Variants in FHIT observed in about 807,000 individuals in gnomAD.
FHIT encodes the protein fragile histidine triad diadenosine triphosphatase, also known as bis(5'-adenosyl)-triphosphatase.
FHIT carries 19 observed loss-of-function variants against 17.9 expected under a neutral mutation model. That is an observed-to-expected ratio of 1.06 (90% CI 0.74 to 1.56). The LOEUF is 1.56. Among genes scored for constraint, FHIT ranks in the 40% most tolerant of loss-of-function variants. The probability of loss-of-function intolerance (pLI) is 0.00; values close to 1 mark genes in which losing one functional copy is unlikely to be tolerated. For missense variants in FHIT, 248 were observed against 189.2 expected (o/e 1.31, Z -1.82); for synonymous variants, 81 against 69.7 (o/e 1.16, Z -0.81).
chr3:59,896,271 A>G (rs927467700), intron 8 of FHIT, among the ~76,000 whole-genome samples: 13 of 152,236 alleles, frequency 8.5e-5, no homozygotes, highest in African/African-American at 1.9e-4. Flanking sequence ...TTGAATGAAT[A>G]GATAACTGAG....
At chr3:60,724,138 C>T (rs1384848169) in intron 4 of FHIT, among the ~76,000 whole-genome samples, 1 of 152,272 alleles carries the variant, frequency 6.6e-6, no homozygotes, top group Admixed American at 6.5e-5. Flanking sequence ...ACAGTCACTA[C>T]CCATTTTCTC....
intron 5 of FHIT, among the ~76,000 whole-genome samples, chr3:60,506,252 C>A (rs1287051975): frequency 6.6e-6 from 1 of 152,086 alleles, no homozygotes; most frequent in African/African-American, 2.4e-5. Context: ...TCACATGGTA[C>A]TTTGAGGGTG....
rs562311448 is a variant in FHIT, at chr3:60,684,257, G to A, written c.-18+137662C>T. Among the ~76,000 whole-genome samples, 14 of 152,056 alleles carry A rather than the reference G, an allele frequency of 9.2e-5. No individual in the cohort carries two copies. The South Asian group carries it at 1.2e-3, about 14-fold the overall frequency. Reference sequence around the variant, plus strand: ...GGTGGGACTCTTGTAATAGCATTTAGGTCTCCCAAAATAATCCAGGATGAT... The same window carrying A: ...GGTGGGACTCTTGTAATAGCATTTAAGTCTCCCAAAATAATCCAGGATGAT... On this transcript the variant is annotated intron_variant, in intron 4 of 9. Transcript: ENST00000492590.
chr3:60,015,688 G>C (rs17061812), intron 5 of FHIT, among the ~76,000 whole-genome samples: 1 of 151,956 alleles, frequency 6.6e-6, no homozygotes. Context: ...AGCTTCCAAC[G>C]AAGTCCATAA....
At chr3:60,344,552 T>G (rs111813465) in intron 5 of FHIT, among the ~76,000 whole-genome samples, 473 of 152,284 alleles carry the variant, frequency 3.1e-3, no homozygotes, top group African/African-American at 0.011. Context: ...TATTTCAGAT[T>G]ATGCTCTCTC....
chr3:60,815,912 C>T lies in FHIT; in HGVS notation c.-18+6007G>A, dbSNP rs189398776. 3.9e-5 allele frequency among the ~76,000 whole-genome samples: 6 copies of T among 152,094 alleles called. 1 individual carries two copies. Among genetic ancestry groups the T allele is most frequent in the Admixed American group, 3.9e-4 (6 of 15,262 alleles). On this transcript the variant is annotated intron_variant, in intron 4 of 9. Transcript: ENST00000492590. ...TTGTGTCTTCTATGATTTCTTTTAG[C>T]AGTGTTTTGTGGTTCCCCTTGTAGA...
At chr3:60,304,129 T>C (rs1708564752) in intron 5 of FHIT, among the ~76,000 whole-genome samples, 1 of 152,178 alleles carries the variant, frequency 6.6e-6, no homozygotes, top group Admixed American at 6.6e-5. Flanking sequence ...TATATCACAC[T>C]AATACATTTA....
chr3:60,196,287 G>A (rs568003014), intron 5 of FHIT, among the ~76,000 whole-genome samples: 2 of 152,072 alleles, frequency 1.3e-5, no homozygotes, highest in East Asian at 3.9e-4. Flanking sequence ...CCAGCTTCTA[G>A]AGGAAGCCCA....
chr3:60,475,807 G>A (rs931130656), intron 5 of FHIT, among the ~76,000 whole-genome samples: 6 of 152,188 alleles, frequency 3.9e-5, no homozygotes, highest in African/African-American at 1.4e-4. Context: ...CTGACCTCAT[G>A]TGATGGGTCA....
At chr3:60,909,090 G>A (rs1706582293) in intron 3 of FHIT, among the ~76,000 whole-genome samples, 1 of 152,050 alleles carries the variant, frequency 6.6e-6, no homozygotes, top group African/African-American at 2.4e-5. Flanking sequence ...GGTAATCTTG[G>A]CAGGGAGCGG....
chr3:60,880,102 C>A (rs1263598884), intron 3 of FHIT, among the ~76,000 whole-genome samples: 1 of 151,966 alleles, frequency 6.6e-6, no homozygotes, highest in Non-Finnish European at 1.5e-5. Context: ...AAGTCAAAGA[C>A]AAAGCAAGAA....
At chr3:61,103,299 A>G (rs1459899676) in intron 2 of FHIT, among the ~76,000 whole-genome samples, 3 of 152,082 alleles carry the variant, frequency 2.0e-5, no homozygotes, top group African/African-American at 7.2e-5. Context: ...TTCTGCCTTC[A>G]TTTCATTATT....
intron 4 of FHIT, among the ~76,000 whole-genome samples, chr3:60,638,345 C>G (rs1225545272): frequency 2.0e-5 from 3 of 152,118 alleles, no homozygotes; most frequent in Non-Finnish European, 4.4e-5. Context: ...AGACAACCAC[C>G]ATTCATAGCT....
chr3:60,046,379 A>C (rs1411419576), intron 5 of FHIT, among the ~76,000 whole-genome samples: 2 of 152,226 alleles, frequency 1.3e-5, no homozygotes, highest in Admixed American at 6.5e-5. Context: ...TCAATGGAAT[A>C]ATCAGTAGCT....
At chr3:59,843,951 C>T (rs1168103794) in intron 8 of FHIT, among the ~76,000 whole-genome samples, 1 of 152,040 alleles carries the variant, frequency 6.6e-6, no homozygotes, top group Admixed American at 6.6e-5. Flanking sequence ...TGGTGCTGTC[C>T]TCATGATAAT....
intron 5 of FHIT, among the ~76,000 whole-genome samples, chr3:60,248,346 C>A (rs1025784251): frequency 6.6e-6 from 1 of 152,076 alleles, no homozygotes; most frequent in African/African-American, 2.4e-5. Context: ...AAGAGATCAA[C>A]TGGGGATCTG....
rs73836116 is a variant in FHIT, at chr3:60,773,042, C to T, written c.-18+48877G>A. On this transcript the variant is annotated intron_variant, in intron 4 of 9. Transcript: ENST00000492590. ...AGATTGATTTGAATAATAACTCCAT[C>T]TCCGGCATGGTGTGGCTAGCCTTCT... is the stretch of plus-strand genomic sequence containing the variant. Among the ~76,000 whole-genome samples the T allele has an allele frequency of 1.6e-3, 238 of 152,290 alleles. 2 individuals are homozygous for T. The highest frequency in any genetic ancestry group is 5.5e-3 in the African/African-American group (229 of 41,560).
chr3:60,271,971 A>G (rs1441759627), intron 5 of FHIT, among the ~76,000 whole-genome samples: 1 of 152,156 alleles, frequency 6.6e-6, no homozygotes, highest in East Asian at 1.9e-4. Flanking sequence ...CAACAACCCA[A>G]TGAGGAAACT....
At chr3:60,538,681 G>T (rs540308967) in intron 4 of FHIT, among the ~76,000 whole-genome samples, 4 of 152,288 alleles carry the variant, frequency 2.6e-5, no homozygotes, top group South Asian at 2.1e-4. Flanking sequence ...ACAAAAACAA[G>T]AAATGGGGAA....
Sources: gnomAD v4.1 joint callset for allele counts (sites outside exome capture counted in the v4.1 genomes callset) on GRCh38, gnomAD v4.1.1 for gene constraint, MANE v1.5 for transcripts, NCBI Gene and HGNC (gene_info 2026-07-23, HGNC 2026-07-21) for gene names.